The following HPGDS variants were observed in gnomAD, a reference collection of about 807,000 sequenced individuals.
HPGDS encodes the protein hematopoietic prostaglandin D synthase.
HPGDS carries 26 observed loss-of-function variants against 23.1 expected under a neutral mutation model. The observed-to-expected ratio is 1.13, with a 90% confidence interval of 0.83 to 1.56. The LOEUF (loss-of-function observed/expected upper bound fraction) is 1.56. HPGDS is among the 40% of genes most tolerant of loss of function. The pLI, the probability that HPGDS is intolerant of heterozygous loss-of-function variation, is 0.00. For synonymous variants in HPGDS, 95 were observed against 77.9 expected, an observed-to-expected ratio of 1.22 and a Z score of -1.16; for missense variants, 268 against 236.4, an observed-to-expected ratio of 1.13 and a Z score of -0.88.
chr4:94,328,197 C>A (rs531907648), intron 2 of HPGDS, among the ~76,000 whole-genome samples: 1 of 152,244 alleles, frequency 6.6e-6, no homozygotes, highest in Non-Finnish European at 1.5e-5. Context: ...TCAGCTGCTT[C>A]GCTTCCTTTT....
At chr4:94,321,906 T>A (rs1756517106) in intron 2 of HPGDS, among the ~76,000 whole-genome samples, 2 of 152,186 alleles carry the variant, frequency 1.3e-5, no homozygotes, top group South Asian at 4.1e-4. Flanking sequence ...GGGTTTGTCA[T>A]AAATAGCTCT....
chr4:94,340,311 C>CTTTTCTTTTTTTTTTTTTT (rs1721126934), intron 1 of HPGDS, among the ~76,000 whole-genome samples: 3 of 23,686 alleles, frequency 1.3e-4, no homozygotes, highest in Non-Finnish European at 1.7e-4. Context: ...CTTTCTTTCT[C>CTTTTCTTTTTTTTTTTTTT]TTTTTTTTTT....
intron 2 of HPGDS, among the ~76,000 whole-genome samples, chr4:94,323,361 G>A (rs1455880836): frequency 6.6e-6 from 1 of 152,142 alleles, no homozygotes; most frequent in African/African-American, 2.4e-5. Context: ...TGACATTGAG[G>A]TGTTAAAGTC....
chr4:94,319,781 C>G (rs1756466692), intron 2 of HPGDS, among the ~76,000 whole-genome samples: 1 of 152,074 alleles, frequency 6.6e-6, no homozygotes, highest in African/African-American at 2.4e-5. Flanking sequence ...TTGTATTATA[C>G]TTTAAGTTCT....
intron 2 of HPGDS, among the ~76,000 whole-genome samples, chr4:94,324,630 T>C (rs1446259446): frequency 6.6e-6 from 1 of 152,210 alleles, no homozygotes; most frequent in Non-Finnish European, 1.5e-5. Context: ...AGGTCTTCTC[T>C]ACACTGTTTA....
At chr4:94,322,232 T>G (rs557944948) in intron 2 of HPGDS, among the ~76,000 whole-genome samples, 76 of 151,780 alleles carry the variant, frequency 5.0e-4, no homozygotes, top group Admixed American at 2.4e-3. Flanking sequence ...TCTCTTTTTT[T>G]TGTGTCTCTG....
At chr4:94,321,437 G>A (rs952537057) in intron 2 of HPGDS, among the ~76,000 whole-genome samples, 1 of 151,894 alleles carries the variant, frequency 6.6e-6, no homozygotes, top group Non-Finnish European at 1.5e-5. Context: ...CTTTTATTTT[G>A]TTGAGCAGTG....
chr4:94,340,311 C>CTTTTCTTTTTTTTTTTT (rs1721126934), intron 1 of HPGDS, among the ~76,000 whole-genome samples: 9 of 23,678 alleles, frequency 3.8e-4, no homozygotes, highest in South Asian at 1.6e-3. Flanking sequence ...CTTTCTTTCT[C>CTTTTCTTTTTTTTTTTT]TTTTTTTTTT....
chr4:94,330,731 T>G (rs1434864674), intron 2 of HPGDS, among the ~76,000 whole-genome samples: 1 of 152,096 alleles, frequency 6.6e-6, no homozygotes, highest in African/African-American at 2.4e-5. Flanking sequence ...TTTTGTACTT[T>G]TGGGAAAAAT....
At chr4:94,318,105 A>G (rs1462828218) in intron 2 of HPGDS, 140 bp from the exon 3 acceptor site, 3 of 637,838 alleles carry the variant, frequency 4.7e-6, no homozygotes, top group African/African-American at 1.8e-5. Context: ...GGAACACTTG[A>G]CAACTTGTAG....
intron 4 of HPGDS, among the ~76,000 whole-genome samples, chr4:94,307,239 A>T (rs1756155938): frequency 6.6e-6 from 1 of 152,060 alleles, no homozygotes; most frequent in Middle Eastern, 3.4e-3. Context: ...TCCTATGACC[A>T]GTAAGCTCTT....
At position 94,299,451 on chromosome 4, in the gene HPGDS, AAAAC is replaced by A. The variant is rs1189878166; in HGVS notation, c.*25_*28del. 6.3e-7 allele frequency: 1 copy of A among 1,578,894 alleles called. No individual in the cohort carries two copies. Among genetic ancestry groups the A allele is most frequent in the East Asian group, 2.3e-5 (1 of 44,328 alleles). Reference sequence around the variant, plus strand: ...TCTGATGAGAGAGATGCCCCCGAGAAAAACAAACTTGAAGGCAACATGGATCAGC... The same window carrying A: ...TCTGATGAGAGAGATGCCCCCGAGAAAAACTTGAAGGCAACATGGATCAGC... On this transcript the variant is annotated 3_prime_UTR_variant, in exon 6 of 6. Transcript: ENST00000295256.
At chr4:94,339,743 C>T (rs1721097653) in intron 1 of HPGDS, among the ~76,000 whole-genome samples, 1 of 151,740 alleles carries the variant, frequency 6.6e-6, no homozygotes, top group African/African-American at 2.4e-5. Context: ...TGGCTATATC[C>T]CCACCAGAAT....
At chr4:94,324,817 A>G (rs997367678) in intron 2 of HPGDS, among the ~76,000 whole-genome samples, 11 of 152,196 alleles carry the variant, frequency 7.2e-5, no homozygotes, top group African/African-American at 2.4e-4. Context: ...AGGAGCTGCG[A>G]TCCTTTGGAC....
intron 3 of HPGDS, among the ~76,000 whole-genome samples, chr4:94,309,405 T>A (rs930444759): frequency 2.6e-5 from 4 of 152,016 alleles, no homozygotes; most frequent in Admixed American, 1.3e-4. Flanking sequence ...TTGAGATAGT[T>A]TGCTGAGAAT....
At chr4:94,309,594 G>C (rs1756218020) in intron 3 of HPGDS, among the ~76,000 whole-genome samples, 3 of 152,064 alleles carry the variant, frequency 2.0e-5, no homozygotes, top group Non-Finnish European at 4.4e-5. Flanking sequence ...AAACATACGT[G>C]TGCATGTGTC....
intron 1 of HPGDS, among the ~76,000 whole-genome samples, chr4:94,335,650 CA>C (rs1287232756): frequency 4.6e-5 from 7 of 152,124 alleles, no homozygotes; most frequent in African/African-American, 1.7e-4. Context: ...AGCACAATGG[CA>C]AACTTAATCA....
chr4:94,302,553 G>C (rs1435088257), intron 4 of HPGDS, among the ~76,000 whole-genome samples: 1 of 151,992 alleles, frequency 6.6e-6, no homozygotes, highest in African/African-American at 2.4e-5. Flanking sequence ...AAAGTGAAAT[G>C]ATTCTCTTGT....
Position 94,340,311 on chromosome 4 carries a change from C to CTTTTTCTTTTCTTTTTT in HPGDS, c.-10+2483_-10+2484insAAAAAAGAAAAGAAAAA, listed in dbSNP as rs1560598005. 8.9e-4 allele frequency among the ~76,000 whole-genome samples: 21 copies of CTTTTTCTTTTCTTTTTT among 23,686 alleles called. 5 individuals carry two copies. The highest frequency in any genetic ancestry group is 1.2e-3 in the Non-Finnish European group (14 of 11,512). 15.5% of individuals were successfully genotyped at this position (23,686 alleles called of 152,430 possible). On this transcript the variant is annotated intron_variant, in intron 1 of 5. Transcript: ENST00000295256. ...TTTCTTTCTTTCTTTCTTTCTTTCT[C>CTTTTTCTTTTCTTTTTT]TTTTTTTTTTTTTTTTTTTTTTTTT...
Sources: allele counts gnomAD v4.1 joint callset (sites outside exome capture counted in the v4.1 genomes callset), GRCh38; gene constraint gnomAD v4.1.1; transcripts MANE v1.5; gene names NCBI Gene and HGNC (gene_info 2026-07-23, HGNC 2026-07-21).